Variants in ALKBH3 observed in about 807,000 individuals in gnomAD.
The protein encoded by ALKBH3 is alkB homolog 3, alpha-ketoglutarate dependent dioxygenase, also known as alpha-ketoglutarate-dependent dioxygenase alkB homolog 3.
A neutral mutation model predicts 43.9 loss-of-function variants in ALKBH3; 51 were observed. That is an observed-to-expected ratio of 1.16 (90% CI 0.93 to 1.47). ALKBH3 has a LOEUF of 1.47. Ranked by LOEUF, ALKBH3 falls within the 40% of genes most tolerant of loss-of-function variation. The pLI is 0.00. For missense variants in ALKBH3, 361 were observed against 351.9 expected, an observed-to-expected ratio of 1.03 and a Z score of -0.21; for synonymous variants, 102 against 115.2, an observed-to-expected ratio of 0.89 and a Z score of 0.73.
At chr11:43,913,276 TA>T (rs1951955929) in intron 8 of ALKBH3, among the ~76,000 whole-genome samples, 1 of 152,128 alleles carries the variant, frequency 6.6e-6, no homozygotes, top group Non-Finnish European at 1.5e-5. Flanking sequence ...GGGGGTTTGG[TA>T]TACAGATTAT....
chr11:43,882,556 A>G, intron 1 of ALKBH3, 27 bp from the exon 2 acceptor site: 1 of 1,098,842 alleles, frequency 9.1e-7, no homozygotes, highest in Middle Eastern at 2.1e-4. Flanking sequence ...AACTAAAAGC[A>G]CTGTTTTGTT....
chr11:43,907,469 A>G (rs1951903871), intron 8 of ALKBH3, among the ~76,000 whole-genome samples: 1 of 152,102 alleles, frequency 6.6e-6, no homozygotes, highest in Admixed American at 6.5e-5. Context: ...TCCTTGTGAA[A>G]CTAAGTGATT....
intron 4 of ALKBH3, among the ~76,000 whole-genome samples, chr11:43,885,415 A>G (rs907471528): frequency 6.6e-6 from 1 of 152,242 alleles, no homozygotes; most frequent in African/African-American, 2.4e-5. Context: ...TATGCCTGCT[A>G]TGCCTACATT....
At chr11:43,900,079 TA>T (rs1178576585) in intron 7 of ALKBH3, among the ~76,000 whole-genome samples, 1 of 42,590 alleles carries the variant, frequency 2.3e-5, no homozygotes, top group African/African-American at 4.5e-5. Flanking sequence ...ATTTAGATAT[TA>T]AAAATTTGCA....
At chr11:43,896,990 T>C (rs12362141) in intron 7 of ALKBH3, among the ~76,000 whole-genome samples, 36,176 of 151,658 alleles carry the variant, frequency 0.24, 4,809 homozygotes, top group Admixed American at 0.4. Flanking sequence ...CAGGCTAGAG[T>C]GAGCACAGTG....
At chr11:43,910,697 T>C (rs915142747) in intron 8 of ALKBH3, among the ~76,000 whole-genome samples, 6 of 152,230 alleles carry the variant, frequency 3.9e-5, no homozygotes, top group Non-Finnish European at 7.3e-5. Flanking sequence ...TCTGAATTCT[T>C]TCTTGAACTA....
At chr11:43,892,246 C>A in intron 7 of ALKBH3, 117 bp downstream of exon 7, 1 of 845,558 alleles carries the variant, frequency 1.2e-6, no homozygotes, top group Non-Finnish European at 1.8e-6. Context: ...GTTCAAAAAA[C>A]CTCTCTGGGT....
intron 5 of ALKBH3, 149 bp downstream of exon 5, chr11:43,886,802 G>A (rs1040780326): frequency 5.2e-5 from 42 of 803,474 alleles, no homozygotes; most frequent in Non-Finnish European, 7.4e-5. Context: ...TGTCCTTTGC[G>A]GGAACATGGA....
intron 8 of ALKBH3, among the ~76,000 whole-genome samples, chr11:43,902,084 T>G (rs1334262886): frequency 6.6e-6 from 1 of 152,164 alleles, no homozygotes; most frequent in Non-Finnish European, 1.5e-5. Flanking sequence ...GAAGAATGAC[T>G]CAAGCTAGTG....
intron 6 of ALKBH3, 28 bp from the exon 7 acceptor site, chr11:43,892,013 T>C (rs764603732): frequency 3.2e-6 from 5 of 1,566,334 alleles, no homozygotes; most frequent in Non-Finnish European, 3.5e-6. Flanking sequence ...CATTAAACCA[T>C]TTCAAAGGCC....
intron 6 of ALKBH3, 132 bp from the exon 7 acceptor site, chr11:43,891,909 C>A: frequency 1.5e-6 from 1 of 670,318 alleles, no homozygotes. Flanking sequence ...GAAGGTGGAA[C>A]TTTGGGTCAC....
intron 7 of ALKBH3, chr11:43,899,101 A>C: frequency 1.3e-6 from 1 of 759,020 alleles, no homozygotes. Context: ...TACAAAGGGG[A>C]CATTGTCTTT....
At chr11:43,905,757 A>C (rs552657651) in intron 8 of ALKBH3, among the ~76,000 whole-genome samples, 1 of 152,190 alleles carries the variant, frequency 6.6e-6, no homozygotes, top group African/African-American at 2.4e-5. Flanking sequence ...AAGGTTTTCT[A>C]TACTTCTTGT....
chr11:43,894,477 T>C (rs1402272895), intron 7 of ALKBH3, among the ~76,000 whole-genome samples: 1 of 152,232 alleles, frequency 6.6e-6, no homozygotes, highest in East Asian at 1.9e-4. Flanking sequence ...TTGGAGAGTC[T>C]AAATTAATCC....
intron 7 of ALKBH3, among the ~76,000 whole-genome samples, chr11:43,893,114 G>T (rs1448001802): frequency 6.6e-6 from 1 of 152,206 alleles, no homozygotes; most frequent in Non-Finnish European, 1.5e-5. Context: ...TCATAGCAGA[G>T]AATTTGAGGA....
chr11:43,884,680 T>C (rs748334783), intron 4 of ALKBH3, among the ~76,000 whole-genome samples: 5 of 152,246 alleles, frequency 3.3e-5, no homozygotes, highest in Non-Finnish European at 5.9e-5. Flanking sequence ...CTGTTTGTTA[T>C]GCTGTTTGAC....
intron 8 of ALKBH3, among the ~76,000 whole-genome samples, chr11:43,901,929 G>A (rs928783158): frequency 1.6e-4 from 24 of 152,268 alleles, no homozygotes; most frequent in African/African-American, 5.5e-4. Context: ...ACAAGAATTG[G>A]CTGCCTTATG....
chr11:43,912,146 C>T (rs1019347028), intron 8 of ALKBH3: 2 of 149,994 alleles, frequency 1.3e-5, no homozygotes, highest in African/African-American at 4.9e-5. Flanking sequence ...AAACAAAAAA[C>T]AAGAAGGGAG....
intron 5 of ALKBH3, 107 bp from the exon 6 acceptor site, chr11:43,889,618 C>A: frequency 1.2e-6 from 1 of 847,580 alleles, no homozygotes; most frequent in Non-Finnish European, 1.9e-6. Context: ...AAGATGATTT[C>A]ATGTACCCAT....
Sources: allele counts gnomAD v4.1 joint callset (sites outside exome capture counted in the v4.1 genomes callset), GRCh38; gene constraint gnomAD v4.1.1; transcripts MANE v1.5; gene names NCBI Gene and HGNC (gene_info 2026-07-23, HGNC 2026-07-21).